The following AQP11 variants were observed in gnomAD, a reference collection of about 807,000 sequenced individuals.
AQP11 encodes the protein aquaporin 11.
In AQP11, 20 loss-of-function variants were observed where a neutral mutation model predicts 21.1. The observed-to-expected ratio is 0.95, with a 90% CI of 0.67 to 1.38. The LOEUF (loss-of-function observed/expected upper bound fraction) is 1.38. AQP11 is among the 40% of genes most tolerant of loss of function. The pLI is 0.00. For synonymous variants in AQP11, 167 were observed against 150.1 expected (o/e 1.11, Z -0.82); for missense variants, 339 against 340.4 (o/e 1.00, Z 0.03).
chr11:77,593,149 G>C (rs1441800691), intron 1 of AQP11, among the ~76,000 whole-genome samples: 1 of 152,218 alleles, frequency 6.6e-6, no homozygotes. Flanking sequence ...GACAGTGCTA[G>C]AGTCTGTTTG....
rs758301522 is a variant in AQP11 at position 77,603,608 on chromosome 11, T to C, written c.672T>C (p.His224=). The C allele has an allele frequency of 6.2e-7, 1 of 1,610,104 alleles. No individual in the cohort carries two copies. Among genetic ancestry groups the C allele is most frequent in the Non-Finnish European group, 8.5e-7 (1 of 1,178,472 alleles). The change falls in exon 2 of 3, where the codon CAT becomes CAC. Residue 224 remains histidine, a synonymous_variant. Coordinates refer to ENST00000313578, the MANE Select transcript of AQP11 (RefSeq NM_173039.3). Reference sequence around the variant, plus strand: ...ATCCAGCTTTGGCACTTTCGCTACATTTCATGTGTTTTGATGAAGCATTCC... The same window carrying C: ...ATCCAGCTTTGGCACTTTCGCTACACTTCATGTGTTTTGATGAAGCATTCC... The part of the protein sequence containing the change: ...VFNPALALSL[H]FMCFDEAFPQ...
chr11:77,606,074 A>G (rs1358590072), intron 2 of AQP11, among the ~76,000 whole-genome samples: 1 of 148,798 alleles, frequency 6.7e-6, no homozygotes, highest in African/African-American at 2.5e-5. Context: ...GCACAGTGGC[A>G]CATGCCTGTA....
intron 2 of AQP11, among the ~76,000 whole-genome samples, chr11:77,604,179 A>G (rs1478155986): frequency 6.6e-6 from 1 of 152,064 alleles, no homozygotes; most frequent in African/African-American, 2.4e-5. Flanking sequence ...CGGCATGATC[A>G]TAGCCATAGC....
intron 2 of AQP11, among the ~76,000 whole-genome samples, chr11:77,606,158 A>T (rs1174926661): frequency 6.6e-6 from 1 of 152,120 alleles, no homozygotes; most frequent in Non-Finnish European, 1.5e-5. Flanking sequence ...GCAACATAGC[A>T]AAACCACATC....
At chr11:77,597,753 TTTTTTTC>T (rs1347000704) in intron 1 of AQP11, among the ~76,000 whole-genome samples, 4 of 151,970 alleles carry the variant, frequency 2.6e-5, no homozygotes, top group Admixed American at 1.3e-4. Context: ...AGGTATTTTC[TTTTTTTC>T]TTTTTTCTTT....
At chr11:77,604,120 G>GT (rs1487293519) in intron 2 of AQP11, among the ~76,000 whole-genome samples, 1 of 151,490 alleles carries the variant, frequency 6.6e-6, no homozygotes, top group African/African-American at 2.4e-5. Context: ...TTTTTGTTTT[G>GT]TTTTTTTTCG....
At position 77,603,537 on chromosome 11, in the gene AQP11, T is replaced by C; in HGVS notation, c.620-19T>C. On this transcript the variant is annotated intron_variant, in intron 1 of 2. Coordinates refer to ENST00000313578, the MANE Select transcript of AQP11 (RefSeq NM_173039.3). ...GAAGATAAATCATTTGAAATCACTC[T>C]GCTTAAAATCTGTTACAGGAGGAAG... 1 of 1,496,908 alleles carries C rather than the reference T, an allele frequency of 6.7e-7. No homozygotes were observed. The highest frequency in any genetic ancestry group is 9.1e-7 in the Non-Finnish European group (1 of 1,101,488). The allele number at this position is 1,496,908 out of a possible 1,614,324, so 92.7% of individuals were successfully genotyped here.
chr11:77,610,282 C>CTT lies in AQP11; in HGVS notation c.*907_*908dup, dbSNP rs1316447344. ...CAAGGGTTCATAGAAACATTAAATA[C>CTT]TTTATAATAACGTTAAAACTTGTTT... On this transcript the variant is annotated 3_prime_UTR_variant, in exon 3 of 3. Transcript: ENST00000313578. 1 of 152,132 alleles carries CTT rather than the reference C, an allele frequency of 6.6e-6. No homozygotes were observed. The highest frequency in any genetic ancestry group is 2.4e-5 in the African/African-American group (1 of 41,418). The allele number at this position is 152,132 out of a possible 1,614,324, so 9.4% of individuals were successfully genotyped here. A position where few individuals can be genotyped will look rare whatever the true frequency, so the allele number is the denominator to read the frequency against.
chr11:77,599,635 C>G (rs1414259783), intron 1 of AQP11, among the ~76,000 whole-genome samples: 1 of 151,740 alleles, frequency 6.6e-6, no homozygotes, highest in Non-Finnish European at 1.5e-5. Flanking sequence ...CACTCTGTCA[C>G]CCAGGCTGGA....
chr11:77,590,967 G>A, intron 1 of AQP11: 2 of 985,326 alleles, frequency 2.0e-6, no homozygotes, highest in African/African-American at 1.7e-5. Flanking sequence ...AGATCGTTTC[G>A]GATACTCTTA....
chr11:77,601,199 G>A (rs1024113428), intron 1 of AQP11, among the ~76,000 whole-genome samples: 7 of 152,094 alleles, frequency 4.6e-5, no homozygotes, highest in African/African-American at 9.7e-5. Context: ...AGCATGCTGC[G>A]GTGCACAGGA....
At chr11:77,593,051 A>G (rs1360246670) in intron 1 of AQP11, among the ~76,000 whole-genome samples, 3 of 152,264 alleles carry the variant, frequency 2.0e-5, no homozygotes, top group Non-Finnish European at 2.9e-5. Flanking sequence ...GGCTGTTTAC[A>G]CTTAAATTAA....
Position 77,609,792 on chromosome 11 carries a change from G to C in AQP11, c.*415G>C, listed in dbSNP as rs1435302346. On this transcript the variant is annotated 3_prime_UTR_variant, in exon 3 of 3. Coordinates refer to ENST00000313578, the MANE Select transcript of AQP11 (RefSeq NM_173039.3). ...TAAAAGTACAAGGCGTCAACTTACA[G>C]AACTGGGGAGAGGATACTTTCAGCC... The C allele has an allele frequency of 1.3e-5, 2 of 153,174 alleles. No individual in the cohort carries two copies. The highest frequency in any genetic ancestry group is 2.9e-5 in the Non-Finnish European group (2 of 68,756). The allele number at this position is 153,174 out of a possible 1,614,324, so 9.5% of individuals were successfully genotyped here.
intron 2 of AQP11, among the ~76,000 whole-genome samples, chr11:77,604,856 A>G (rs952007929): frequency 6.6e-6 from 1 of 152,352 alleles, no homozygotes; most frequent in South Asian, 2.1e-4. Context: ...GGTCAGTTCT[A>G]CAGAGTGCTA....
chr11:77,593,568 C>T lies in AQP11; in HGVS notation c.619+2957C>T, dbSNP rs549792995. 2.2e-3 allele frequency among the ~76,000 whole-genome samples: 340 copies of T among 151,908 alleles called. 2 individuals carry two copies. Among genetic ancestry groups the T allele is most frequent in the African/African-American group, 8.0e-3 (330 of 41,410 alleles). ...AGGAGAATGGCATGAACCCGGGAGG[C>T]AGAGCTTGCAGTGAGCCGAGATCGA... is the stretch of plus-strand genomic sequence containing the variant. On this transcript the variant is annotated intron_variant, in intron 1 of 2. Transcript: ENST00000313578.
At chr11:77,608,964 G>C (rs1958861780) in intron 2 of AQP11, among the ~76,000 whole-genome samples, 1 of 152,146 alleles carries the variant, frequency 6.6e-6, no homozygotes, top group Non-Finnish European at 1.5e-5. Context: ...GAACTAAAGA[G>C]CCAGAACTAA....
Position 77,604,978 on chromosome 11 carries a change from G to C in AQP11, c.736+1306G>C, listed in dbSNP as rs1958835663. On this transcript the variant is annotated intron_variant, in intron 2 of 2. Coordinates refer to ENST00000313578, the MANE Select transcript of AQP11 (RefSeq NM_173039.3). ...GGAGGCCGAGGCAGGCAGATCATGA[G>C]GTCAGGGGATTGAGACCATCCTGGC... Among the ~76,000 whole-genome samples, 3 of 152,164 alleles carry C rather than the reference G, an allele frequency of 2.0e-5. No homozygotes were observed. In the South Asian group the frequency reaches 6.2e-4, roughly 32 times the overall value.
At chr11:77,609,265 T>C in intron 2 of AQP11, 33 bp from the exon 3 acceptor site, 1 of 1,555,124 alleles carries the variant, frequency 6.4e-7, no homozygotes, top group Non-Finnish European at 8.8e-7. Context: ...CCTTAAAGAT[T>C]GTTTTTTTAT....
chr11:77,598,700 GTTGT>G (rs943092965), intron 1 of AQP11, among the ~76,000 whole-genome samples: 10 of 151,960 alleles, frequency 6.6e-5, no homozygotes, highest in Non-Finnish European at 1.5e-4. Context: ...TTCCAAACTG[GTTGT>G]TTTTGTTGTT....
Sources: gnomAD v4.1 joint callset for allele counts (sites outside exome capture counted in the v4.1 genomes callset) on GRCh38, gnomAD v4.1.1 for gene constraint, MANE v1.5 for transcripts, NCBI Gene and HGNC (gene_info 2026-07-23, HGNC 2026-07-21) for gene names.